Variants in CDH11 observed in about 807,000 individuals in gnomAD.
The protein encoded by CDH11 is cadherin-11.
Under a neutral mutation model 67.8 loss-of-function variants are expected in CDH11, and 11 were observed. The ratio of observed to expected loss-of-function variants is 0.16; its 90% confidence interval spans 0.10 to 0.27. The LOEUF is 0.27. Among genes scored for constraint, CDH11 ranks in the 10% least tolerant of loss-of-function variants. The pLI is 1.00. For synonymous variants in CDH11, 419 were observed against 400.0 expected, an observed-to-expected ratio of 1.05 and a Z score of -0.57; for missense variants, 847 against 1,031.2, an observed-to-expected ratio of 0.82 and a Z score of 2.45.
At chr16:64,988,001 G>C (rs897515361) in intron 7 of CDH11, 156 bp downstream of exon 7, 6 of 567,394 alleles carry the variant, frequency 1.1e-5, no homozygotes, top group African/African-American at 1.9e-5. Flanking sequence ...ATACAATTCT[G>C]TGATCTTCCA....
intron 1 of CDH11, among the ~76,000 whole-genome samples, chr16:65,095,202 C>T (rs2074867485): frequency 6.6e-6 from 1 of 152,070 alleles, no homozygotes; most frequent in African/African-American, 2.4e-5. Context: ...GAATGAATCA[C>T]AGTGAGTTTC....
chr16:64,972,467 CAG>C (rs1216949631), intron 9 of CDH11, among the ~76,000 whole-genome samples: 1 of 152,172 alleles, frequency 6.6e-6, no homozygotes, highest in Non-Finnish European at 1.5e-5. Context: ...CCTACTGAAT[CAG>C]AGTCTCTGGG....
chr16:65,002,048 A>G (rs554642569), intron 3 of CDH11, among the ~76,000 whole-genome samples: 9 of 152,206 alleles, frequency 5.9e-5, no homozygotes, highest in Non-Finnish European at 1.2e-4. Flanking sequence ...TAGGAAATAA[A>G]CCATCTATTC....
intron 2 of CDH11, among the ~76,000 whole-genome samples, chr16:65,015,041 T>TATTATTATTATTATG (rs2073272075): frequency 6.8e-6 from 1 of 147,880 alleles, no homozygotes; most frequent in African/African-American, 2.5e-5. Context: ...TTATTATTAT[T>TATTATTATTATTATG]ATTATTATTA....
rs545308122 is a variant in CDH11 at position 65,029,120 on chromosome 16, T to A, written c.-172-24079A>T. Among the ~76,000 whole-genome samples, 9 of 152,310 alleles carry A rather than the reference T, an allele frequency of 5.9e-5. No homozygotes were observed. The East Asian group carries it at 1.7e-3, about 29-fold the overall frequency. The stretch of plus-strand genomic sequence containing the variant: ...AACCACAATAAAATAAACTTTTTTT[T>A]AAGAAGAAAAACACTTTTTAAAAAA... On this transcript the variant is annotated intron_variant, in intron 2 of 12. Coordinates refer to ENST00000268603, the MANE Select transcript of CDH11 (RefSeq NM_001797.4).
At chr16:65,098,486 G>C (rs1260253694) in intron 1 of CDH11, among the ~76,000 whole-genome samples, 2 of 152,000 alleles carry the variant, frequency 1.3e-5, no homozygotes. Context: ...TGAGATGCTG[G>C]AGAATCGCAG....
intron 1 of CDH11, among the ~76,000 whole-genome samples, chr16:65,109,885 T>C (rs1194499621): frequency 6.6e-6 from 1 of 151,830 alleles, no homozygotes; most frequent in Non-Finnish European, 1.5e-5. Flanking sequence ...GTTTGTTTGT[T>C]TGTTTGTTTG....
chr16:65,014,655 G>T (rs931946582), intron 2 of CDH11, among the ~76,000 whole-genome samples: 1 of 151,978 alleles, frequency 6.6e-6, no homozygotes, highest in African/African-American at 2.4e-5. Context: ...GAGGTAATAT[G>T]GTTCCAAACC....
chr16:65,122,288 G>C, upstream of CDH11: 1 of 364,274 alleles, frequency 2.7e-6, no homozygotes, highest in South Asian at 2.6e-5. Flanking sequence ...GCCCAGAGAT[G>C]CTAACCCCTG....
At chr16:64,953,379 CTT>C (rs1381133295) in intron 11 of CDH11, among the ~76,000 whole-genome samples, 2 of 151,778 alleles carry the variant, frequency 1.3e-5, no homozygotes, top group African/African-American at 4.8e-5. Context: ...AGGTTTTGTA[CTT>C]TCTGGCTCTA....
chr16:65,074,707 A>G (rs1177290856), intron 1 of CDH11, among the ~76,000 whole-genome samples: 1 of 152,024 alleles, frequency 6.6e-6, no homozygotes, highest in African/African-American at 2.4e-5. Context: ...GAGATAGAGA[A>G]GAGGAGGGGA....
intron 2 of CDH11, among the ~76,000 whole-genome samples, chr16:65,020,801 A>G (rs2073407960): frequency 6.6e-6 from 1 of 152,144 alleles, no homozygotes; most frequent in East Asian, 1.9e-4. Flanking sequence ...ATACAAATAG[A>G]CAGAAGAAGA....
chr16:65,035,474 A>G (rs2073735217), intron 2 of CDH11, among the ~76,000 whole-genome samples: 2 of 152,194 alleles, frequency 1.3e-5, no homozygotes, highest in Admixed American at 1.3e-4. Context: ...CCCCTGCTAG[A>G]AAGTCACTCT....
rs567092889 is a variant in CDH11, at chr16:65,120,375, A to G, written c.-298+1505T>C. Among the ~76,000 whole-genome samples the G allele has an allele frequency of 2.6e-5, 4 of 152,308 alleles. No individual in the cohort carries two copies. In the South Asian group the frequency reaches 8.3e-4, roughly 32 times the overall value. On this transcript the variant is annotated intron_variant, in intron 1 of 12. Coordinates refer to ENST00000268603, the MANE Select transcript of CDH11 (RefSeq NM_001797.4). ...ACGTCTGCTGCAAGCCCAAGTGATG[A>G]GGAAATTGATCCGTCCTCTAGCCAG...
At chr16:65,002,171 T>A (rs1006788845) in intron 3 of CDH11, among the ~76,000 whole-genome samples, 1 of 152,222 alleles carries the variant, frequency 6.6e-6, no homozygotes, top group African/African-American at 2.4e-5. Flanking sequence ...TTCATTCTCA[T>A]GTACCTAGCT....
intron 1 of CDH11, among the ~76,000 whole-genome samples, chr16:65,083,952 T>C (rs1188411684): frequency 2.0e-5 from 3 of 152,060 alleles, no homozygotes; most frequent in Non-Finnish European, 4.4e-5. Context: ...AGACATTTGG[T>C]AAGTTCTGGA....
chr16:64,993,628 C>G (rs1010846443), intron 4 of CDH11, among the ~76,000 whole-genome samples: 3 of 152,042 alleles, frequency 2.0e-5, no homozygotes, highest in Non-Finnish European at 4.4e-5. Flanking sequence ...GGTCTGGTAG[C>G]CATATAACAG....
In CDH11 at chr16:64,946,406, C is replaced by T; in HGVS notation, c.*1197G>A. The T allele has an allele frequency of 9.7e-7, 1 of 1,035,578 alleles. No individual in the cohort carries two copies. 64.1% of individuals were successfully genotyped at this position (1,035,578 alleles called of 1,614,324 possible). ...TGGAACATTAGAGTTCTGATAGCTC[C>T]ATTCCCTCATGGATTCATCTCTCAT... On this transcript the variant is annotated 3_prime_UTR_variant, in exon 13 of 13. Transcript: ENST00000268603.
At chr16:65,108,245 C>T (rs1170277315) in intron 1 of CDH11, among the ~76,000 whole-genome samples, 1 of 152,114 alleles carries the variant, frequency 6.6e-6, no homozygotes, top group African/African-American at 2.4e-5. Flanking sequence ...CGTTAGTCTC[C>T]TGATTAATGC....
Sources: allele counts gnomAD v4.1 joint callset (sites outside exome capture counted in the v4.1 genomes callset), GRCh38; gene constraint gnomAD v4.1.1; transcripts MANE v1.5; gene names NCBI Gene and HGNC (gene_info 2026-07-23, HGNC 2026-07-21).